LRP1: variants seen among roughly 807,000 people sequenced by gnomAD.
The protein encoded by LRP1 is LDL receptor related protein 1.
Under a neutral mutation model 541.5 loss-of-function variants are expected in LRP1, and 51 were observed. The ratio of observed to expected loss-of-function variants is 0.09; its 90% CI spans 0.08 to 0.12. LRP1 has a LOEUF of 0.12. Ranked by LOEUF, LRP1 falls within the 10% of genes least tolerant of loss-of-function variation. The pLI is 1.00. For synonymous variants in LRP1, 2,219 were observed against 2,470.8 expected (o/e 0.90, Z 3.02); for missense variants, 3,878 against 6,376.2 (o/e 0.61, Z 13.34).
intron 1 of LRP1, among the ~76,000 whole-genome samples, chr12:57,129,884 G>A (rs975435308): frequency 1.3e-5 from 2 of 152,076 alleles, no homozygotes; most frequent in Non-Finnish European, 2.9e-5. Flanking sequence ...TTGGAGGTTG[G>A]ATGGGGATTA....
intron 1 of LRP1, among the ~76,000 whole-genome samples, chr12:57,130,284 G>A (rs2035011382): frequency 6.6e-6 from 1 of 152,094 alleles, no homozygotes; most frequent in Non-Finnish European, 1.5e-5. Flanking sequence ...GTTTTTCTCT[G>A]AAACCAGATT....
chr12:57,205,704 G>A lies in LRP1; in HGVS notation c.11590+27G>A. The A allele has an allele frequency of 6.2e-7, 1 of 1,604,082 alleles. No individual in the cohort carries two copies. Among genetic ancestry groups the A allele is most frequent in the Non-Finnish European group, 8.5e-7 (1 of 1,178,952 alleles). ...TGCCGGAGCCACCAGAGGGCAGAAAGGCTGGGTGGGGCAGGGCGACCAGGA... is the reference window on the plus strand; with the variant it reads ...TGCCGGAGCCACCAGAGGGCAGAAAAGCTGGGTGGGGCAGGGCGACCAGGA... On this transcript the variant is annotated intron_variant, in intron 75 of 88. Transcript: ENST00000243077. This position sits in a 1 kb window ranked among gnomAD's most constrained non-coding sequence, Gnocchi z 4.6.
In LRP1 at chr12:57,197,328, C is replaced by T. The variant is rs1157206291; in HGVS notation, c.9106C>T (p.Arg3036Trp). Residue 3036 changes from arginine (R) to tryptophan (W), a missense_variant, in exon 57 of 89, where the codon CGG (arginine) becomes TGG (tryptophan). This residue lies in a region of LRP1 where 1,100 missense variants were observed against 1,827.4 expected (regional missense o/e 0.60). Transcript: ENST00000243077. The surrounding 1 kb of genome is among the most constrained non-coding windows in gnomAD (Gnocchi z 4.5). ...GGAACCGTTTCTGATCTTCGCCAAC[C>T]GGTACTACCTGCGCAAGCTCAACCT... ...DEEPFLIFAN[R>W]YYLRKLNLDG... 3.1e-6 allele frequency: 5 copies of T among 1,614,116 alleles called. No homozygotes were observed. Among genetic ancestry groups the T allele is most frequent in the Non-Finnish European group, 4.2e-6 (5 of 1,179,992 alleles).
chr12:57,162,922 G>A lies in LRP1; in HGVS notation c.2469G>A (p.Gly823=), dbSNP rs1235660926. The change falls in exon 15 of 89, where the codon GGG becomes GGA. Residue 823 remains glycine, a synonymous_variant. Transcript: ENST00000243077. This position sits in a 1 kb window ranked among gnomAD's most constrained non-coding sequence, Gnocchi z 5.2. ...GCSSLCLATP[G]SRQCACAEDQ... Reference sequence around the variant, plus strand: ...GCAGCCTGTGCTTGGCCACCCCTGGGAGCCGCCAGTGCGCCTGTGCTGAGG... The same window carrying A: ...GCAGCCTGTGCTTGGCCACCCCTGGAAGCCGCCAGTGCGCCTGTGCTGAGG... 1 of 1,609,180 alleles carries A rather than the reference G, an allele frequency of 6.2e-7. No homozygotes were observed.
Position 57,128,995 on chromosome 12 carries a change from C to G in LRP1, c.31C>G (p.Pro11Ala), listed in dbSNP as rs139698747. 1.0e-5 allele frequency: 16 copies of G among 1,551,408 alleles called. No individual in the cohort carries two copies. Among genetic ancestry groups the G allele is most frequent in the Non-Finnish European group, 1.3e-5 (15 of 1,146,762 alleles). ...GACCCCGCCGTTGCTCCTGCTGCTG[C>G]CCCTGCTCTCAGCTCTGGTCGCGGC... MLTPPLLLLL[P>A]LLSALVAAAI... The change falls in exon 1 of 89, where the codon CCC becomes GCC. Residue 11 changes from proline to alanine, a missense_variant. Transcript: ENST00000243077.
chr12:57,160,042 G>C (rs1168073223), intron 12 of LRP1, 37 bp downstream of exon 12: 1 of 1,598,852 alleles, frequency 6.3e-7, no homozygotes, highest in Non-Finnish European at 8.6e-7. Context: ...GAGGAGCTGG[G>C]AGTGTGTGGG....
chr12:57,189,171 C>T lies in LRP1; in HGVS notation c.7032-1634C>T, dbSNP rs955273666. ...AGGAAAGCCTCTCTCTCCCTCCTGC[C>T]CCATTCCTGGGAAGCAGGTTCACCC... On this transcript the variant is annotated intron_variant, in intron 42 of 88. Coordinates refer to ENST00000243077, the MANE Select transcript of LRP1 (RefSeq NM_002332.3). The surrounding 1 kb of genome is among the most constrained non-coding windows in gnomAD (Gnocchi z 4.4). 2.0e-5 allele frequency among the ~76,000 whole-genome samples: 3 copies of T among 152,178 alleles called. No homozygotes were observed. Among genetic ancestry groups the T allele is most frequent in the Non-Finnish European group, 2.9e-5 (2 of 68,030 alleles).
At position 57,177,159 on chromosome 12, in the gene LRP1, G is replaced by A. The variant is rs2036063302; in HGVS notation, c.4110G>A (p.Val1370=). Residue 1370 remains valine (V), a synonymous_variant, in exon 25 of 89, where the codon GTG becomes GTA. Coordinates refer to ENST00000243077, the MANE Select transcript of LRP1 (RefSeq NM_002332.3). The surrounding 1 kb of genome is among the most constrained non-coding windows in gnomAD (Gnocchi z 6.8). ...AGAGTAACCTGGATCAGATCGAGGT[G>A]GCCAAGCTGGATGGGACCCTCCGGA... ...WVESNLDQIE[V]AKLDGTLRTT... 3 of 1,614,086 alleles carry A rather than the reference G, an allele frequency of 1.9e-6. No homozygotes were observed. Among genetic ancestry groups the A allele is most frequent in the Middle Eastern group, 1.6e-4 (1 of 6,084 alleles).
chr12:57,209,930 T>C, intron 80 of LRP1, 62 bp downstream of exon 80: 5 of 1,598,124 alleles, frequency 3.1e-6, no homozygotes, highest in Non-Finnish European at 4.3e-6. Context: ...GTCTCCAAGC[T>C]GTGGCCCTGG....
rs990086706 is a variant in LRP1, at chr12:57,189,588, C to T, written c.7032-1217C>T. ...CAGAAGGCGGGATAGTTCAATGGTGCTGGAGACGCTGGGGGTGGGCAAGAA... is the reference window on the plus strand; with the variant it reads ...CAGAAGGCGGGATAGTTCAATGGTGTTGGAGACGCTGGGGGTGGGCAAGAA... On this transcript the variant is annotated intron_variant, in intron 42 of 88. Coordinates refer to ENST00000243077, the MANE Select transcript of LRP1 (RefSeq NM_002332.3). This position sits in a 1 kb window ranked among gnomAD's most constrained non-coding sequence, Gnocchi z 4.4. 6.6e-6 allele frequency among the ~76,000 whole-genome samples: 1 copy of T among 152,036 alleles called. No homozygotes were observed. Among genetic ancestry groups the T allele is most frequent in the African/African-American group, 2.4e-5 (1 of 41,388 alleles).
rs1028373179 is a variant in LRP1 at position 57,159,960 on chromosome 12, G to T, written c.1934G>T (p.Gly645Val). Reference protein sequence around the residue: ...AAQTRKTLIEGKMTHPRAIVV... With the variant: ...AAQTRKTLIEVKMTHPRAIVV... ...CAGACCCGCAAGACTTTAATCGAGG[G>T]CAAAATGACACACCCCAGGGCTATT... Residue 645 changes from glycine (G) to valine (V), a missense_variant, in exon 12 of 89, where the codon GGC (glycine) becomes GTC (valine). This residue lies in a region of LRP1 where 496 missense variants were observed against 861.0 expected (regional missense o/e 0.58). Transcript: ENST00000243077. 4.3e-6 allele frequency: 7 copies of T among 1,614,030 alleles called. No individual in the cohort carries two copies. The African/African-American group carries it at 9.3e-5, about 22-fold the overall frequency.
chr12:57,184,628 C>T lies in LRP1; in HGVS notation c.6186+176C>T, dbSNP rs538430418. Among the ~76,000 whole-genome samples, 1 of 152,040 alleles carries T rather than the reference C, an allele frequency of 6.6e-6. No individual in the cohort carries two copies. Among genetic ancestry groups the T allele is most frequent in the African/African-American group, 2.4e-5 (1 of 41,404 alleles). ...TACCACAGAGATGATGGGCAGGGGT[C>T]GCTCAGAAGTGGGGAGTGGGGGAGT... On this transcript the variant is annotated intron_variant, in intron 38 of 88. Transcript: ENST00000243077. This position sits in a 1 kb window ranked among gnomAD's most constrained non-coding sequence, Gnocchi z 7.8.
intron 1 of LRP1, among the ~76,000 whole-genome samples, chr12:57,136,093 G>A (rs964856883): frequency 2.0e-5 from 3 of 152,366 alleles, no homozygotes; most frequent in Admixed American, 1.3e-4. Context: ...CAGGGGAAGC[G>A]GACGGTTCTC....
chr12:57,182,302 G>T (rs1430232910), intron 34 of LRP1, among the ~76,000 whole-genome samples: 4 of 152,102 alleles, frequency 2.6e-5, no homozygotes, highest in Admixed American at 2.6e-4. Context: ...CTTGAGGTCA[G>T]AAGTTTGAGA....
In LRP1 at chr12:57,201,205, G is replaced by A; in HGVS notation, c.10345+52G>A. 6.2e-7 allele frequency: 1 copy of A among 1,608,454 alleles called. No individual in the cohort carries two copies. On this transcript the variant is annotated intron_variant, in intron 65 of 88. Transcript: ENST00000243077. The surrounding 1 kb of genome is among the most constrained non-coding windows in gnomAD (Gnocchi z 6.4). ...GGTGGTGGGAGATGACACGGAAGCA[G>A]GGCAGGCAGAATCTCCCCACAGCTT...
rs2036086627 is a variant in LRP1, at chr12:57,178,067, T to C, written c.4362-292T>C. ...GGGGTTCACGCTGAGGGTGCCTTTT[T>C]CTGACTTTCATCAAAGCCCTGAGTG... On this transcript the variant is annotated intron_variant, in intron 26 of 88. Transcript: ENST00000243077. This position sits in a 1 kb window ranked among gnomAD's most constrained non-coding sequence, Gnocchi z 5.8. Among the ~76,000 whole-genome samples the C allele has an allele frequency of 6.6e-6, 1 of 151,980 alleles. No homozygotes were observed. The highest frequency in any genetic ancestry group is 1.9e-4 in the East Asian group (1 of 5,184).
At chr12:57,210,565 A>G in intron 82 of LRP1, 85 bp downstream of exon 82, 1 of 963,890 alleles carries the variant, frequency 1.0e-6, no homozygotes, top group Non-Finnish European at 1.3e-6. Flanking sequence ...GCAAATGCCC[A>G]GCCCCTGCCT....
rs1004754161 is a variant in LRP1, at chr12:57,194,280, T to C, written c.7919-74T>C. The C allele has an allele frequency of 4.7e-6, 7 of 1,476,600 alleles. No homozygotes were observed. The African/African-American group carries it at 9.9e-5, about 21-fold the overall frequency. 91.5% of individuals were successfully genotyped at this position (1,476,600 alleles called of 1,614,324 possible). ...CTTTTGGAAACACATGAAGGCTCCA[T>C]AGGGCTGGCAGCTGCCCCAGTCGGG... On this transcript the variant is annotated intron_variant, in intron 48 of 88. Transcript: ENST00000243077.
At chr12:57,195,491 C>A in intron 52 of LRP1, 92 bp downstream of exon 52, 2 of 1,577,618 alleles carry the variant, frequency 1.3e-6, no homozygotes, top group Non-Finnish European at 1.7e-6. Context: ...AGAGGAAATG[C>A]CTCAGCGGGG....
Sources: gnomAD v4.1 joint callset for allele counts (sites outside exome capture counted in the v4.1 genomes callset) on GRCh38, gnomAD v4.1.1 for gene constraint, gnomAD v4.1.1 regional missense constraint, Gnocchi (gnomAD v3.1) non-coding constraint, MANE v1.5 for transcripts, NCBI Gene and HGNC (gene_info 2026-07-23, HGNC 2026-07-21) for gene names.